ATG2B: variants seen among roughly 807,000 people sequenced by gnomAD.
ATG2B encodes the protein autophagy related 2B.
In ATG2B, 121 loss-of-function variants were observed where a neutral mutation model predicts 241.3. The ratio of observed to expected loss-of-function variants is 0.50; its 90% CI spans 0.43 to 0.58. The LOEUF is 0.58. Ranked by LOEUF, ATG2B falls within the 20% of genes least tolerant of loss-of-function variation. ATG2B has a pLI of 0.00. For missense variants in ATG2B, 2,306 were observed against 2,491.6 expected (o/e 0.93, Z 1.59); for synonymous variants, 858 against 876.6 (o/e 0.98, Z 0.37).
Position 96,332,461 on chromosome 14 carries a change from C to G in ATG2B, c.1362+40G>C, listed in dbSNP as rs757573629. The G allele has an allele frequency of 1.1e-5, 18 of 1,611,664 alleles. No individual in the cohort carries two copies. The Admixed American group carries it at 3.0e-4, about 27-fold the overall frequency. On this transcript the variant is annotated intron_variant, in intron 9 of 41. Coordinates refer to ENST00000359933, the MANE Select transcript of ATG2B (RefSeq NM_018036.7). ...TGAATGAAGTGTAGAATTTTAGAAG[C>G]AACTTTTCAGTCTAGAAGAAAAATT...
chr14:96,353,270 A>G (rs968487011), intron 1 of ATG2B, among the ~76,000 whole-genome samples: 5 of 152,234 alleles, frequency 3.3e-5, no homozygotes, highest in African/African-American at 1.2e-4. Flanking sequence ...TAAGCAACAC[A>G]TGACTGTACT....
intron 28 of ATG2B, among the ~76,000 whole-genome samples, chr14:96,310,440 A>C (rs1887118897): frequency 6.6e-6 from 1 of 152,196 alleles, no homozygotes; most frequent in Admixed American, 6.5e-5. Flanking sequence ...ACAAAGAATA[A>C]CAATGAAAAA....
In ATG2B at chr14:96,285,036, T is replaced by G. The variant is rs900368910; in HGVS notation, c.*719A>C. On this transcript the variant is annotated 3_prime_UTR_variant, in exon 42 of 42. Coordinates refer to ENST00000359933, the MANE Select transcript of ATG2B (RefSeq NM_018036.7). This position sits in a 1 kb window ranked among gnomAD's most constrained non-coding sequence, Gnocchi z 4.2. ...AGCTATTACATTGAAGTTACCTTCC[T>G]TTGCCAAAAACTTTCAGACAAGTTT... 8 of 152,224 alleles carry G rather than the reference T, an allele frequency of 5.3e-5. No homozygotes were observed. Among genetic ancestry groups the G allele is most frequent in the African/African-American group, 1.7e-4 (7 of 41,456 alleles). 9.4% of individuals were successfully genotyped at this position (152,224 alleles called of 1,614,324 possible).
intron 12 of ATG2B, 122 bp from the exon 13 acceptor site, chr14:96,328,888 A>C: frequency 1.6e-6 from 1 of 644,798 alleles, no homozygotes; most frequent in Non-Finnish European, 2.6e-6. Context: ...CATTTTTGTC[A>C]CTTACTAGCA....
At position 96,315,469 on chromosome 14, in the gene ATG2B, G is replaced by C; in HGVS notation, c.3476C>G (p.Ser1159Cys). 1 of 1,614,160 alleles carries C rather than the reference G, an allele frequency of 6.2e-7. No individual in the cohort carries two copies. Among genetic ancestry groups the C allele is most frequent in the Non-Finnish European group, 8.5e-7 (1 of 1,180,012 alleles). The change falls in exon 22 of 42, where the codon TCT becomes TGT. Residue 1159 changes from serine to cysteine, a missense_variant. Ser to Cys is a moderately radical substitution (Grantham distance 112, BLOSUM62 -1). Coordinates refer to ENST00000359933, the MANE Select transcript of ATG2B (RefSeq NM_018036.7). ...SSEEDGLSKT[S>C]SDGVGGDSLN... ...ACTGTCTCCTCCAACTCCATCTGAA[G>C]AAGTTTTACTGAGGCCATCTTCTTC...
chr14:96,361,851 T>C lies in ATG2B; in HGVS notation c.162+964A>G, dbSNP rs568019979. ...ACTGATAAAATTATATACTGATTTATAGTCTCTAGCACAAATTCGCTTAAG... is the reference window on the plus strand; with the variant it reads ...ACTGATAAAATTATATACTGATTTACAGTCTCTAGCACAAATTCGCTTAAG... On this transcript the variant is annotated intron_variant, in intron 1 of 41. Coordinates refer to ENST00000359933, the MANE Select transcript of ATG2B (RefSeq NM_018036.7). 3.3e-5 allele frequency among the ~76,000 whole-genome samples: 5 copies of C among 152,298 alleles called. No homozygotes were observed. The East Asian group carries it at 9.7e-4, about 29-fold the overall frequency.
rs974373068 is a variant in ATG2B, at chr14:96,329,623, G to A, written c.1742C>T (p.Thr581Ile). Residue 581 changes from threonine (T) to isoleucine (I), a missense_variant, in exon 12 of 42, where the codon ACT becomes ATT. Thr to Ile is a moderately conservative substitution (Grantham distance 89). Coordinates refer to ENST00000359933, the MANE Select transcript of ATG2B (RefSeq NM_018036.7). ...TTGTTCATAGGATACTTTAATGCCA[G>A]TACCTATAAATCTATTATAAAAAAT... ...CSHDHLRFIG[T>I]GIKVSYEQRQ... The A allele has an allele frequency of 1.9e-6, 3 of 1,597,052 alleles. No individual in the cohort carries two copies. The highest frequency in any genetic ancestry group is 1.3e-5 in the African/African-American group (1 of 74,388).
intron 1 of ATG2B, among the ~76,000 whole-genome samples, chr14:96,359,049 G>A (rs1001692717): frequency 2.0e-5 from 3 of 152,138 alleles, no homozygotes; most frequent in Non-Finnish European, 4.4e-5. Context: ...AATATAAGCA[G>A]CAATCGAAAC....
rs1428153318 is a variant in ATG2B at position 96,328,677 on chromosome 14, G to A, written c.1971C>T (p.Pro657=). The A allele has an allele frequency of 1.3e-6, 2 of 1,599,470 alleles. No homozygotes were observed. Among genetic ancestry groups the A allele is most frequent in the African/African-American group, 1.3e-5 (1 of 74,106 alleles). Residue 657 remains proline, a synonymous_variant, in exon 13 of 42, where the codon CCC becomes CCT. Coordinates refer to ENST00000359933, the MANE Select transcript of ATG2B (RefSeq NM_018036.7). The part of the protein sequence containing the change: ...LHYKHSENRG[P]QGNQARLSSV... ...ATTATAGAAAAAGATCTCTTACCTG[G>A]GGCCCTCTATTCTCAGAATGCTTAT...
intron 36 of ATG2B, among the ~76,000 whole-genome samples, chr14:96,293,788 A>T (rs1425999859): frequency 6.6e-6 from 1 of 152,184 alleles, no homozygotes; most frequent in East Asian, 1.9e-4. Flanking sequence ...ACATTTACCT[A>T]AGTAAGTATA....
At chr14:96,342,046 A>G (rs1888050275) in intron 5 of ATG2B, among the ~76,000 whole-genome samples, 2 of 152,222 alleles carry the variant, frequency 1.3e-5, no homozygotes, top group Non-Finnish European at 2.9e-5. Context: ...ACTGACTTAT[A>G]AAAGGACTCT....
rs1177115611 is a variant in ATG2B at position 96,279,219 on chromosome 14, T to C, written c.*6536A>G. 2 of 151,760 alleles carry C rather than the reference T, an allele frequency of 1.3e-5. No individual in the cohort carries two copies. Among genetic ancestry groups the C allele is most frequent in the East Asian group, 1.9e-4 (1 of 5,186 alleles). 9.4% of individuals were successfully genotyped at this position (151,760 alleles called of 1,614,324 possible). Reference sequence around the variant, plus strand: ...ATAGTCAATCAATGATGAACTTTTATTTCATATATATTTATATTTTAAAAA... The same window carrying C: ...ATAGTCAATCAATGATGAACTTTTACTTCATATATATTTATATTTTAAAAA... On this transcript the variant is annotated 3_prime_UTR_variant, in exon 42 of 42. Coordinates refer to ENST00000359933, the MANE Select transcript of ATG2B (RefSeq NM_018036.7).
Position 96,290,660 on chromosome 14 carries a change from T to C in ATG2B, c.5702-70A>G. 1.3e-6 allele frequency: 2 copies of C among 1,584,752 alleles called. No individual in the cohort carries two copies. Among genetic ancestry groups the C allele is most frequent in the Non-Finnish European group, 1.7e-6 (2 of 1,163,832 alleles). On this transcript the variant is annotated intron_variant, in intron 39 of 41. Transcript: ENST00000359933. This position sits in a 1 kb window ranked among gnomAD's most constrained non-coding sequence, Gnocchi z 4.4. Reference sequence around the variant, plus strand: ...CTTTTCTATCATTCTAACCCTGGGGTTTTTAACTCCTAAAACTGGAGGCAA... The same window carrying C: ...CTTTTCTATCATTCTAACCCTGGGGCTTTTAACTCCTAAAACTGGAGGCAA...
chr14:96,342,110 T>C (rs1359898914), intron 5 of ATG2B, among the ~76,000 whole-genome samples: 1 of 152,098 alleles, frequency 6.6e-6, no homozygotes, highest in East Asian at 1.9e-4. Flanking sequence ...TTTAAAGAGA[T>C]GATTTGTAGA....
At chr14:96,306,004 C>G (rs1886936399) in intron 30 of ATG2B, among the ~76,000 whole-genome samples, 189 bp from the exon 31 acceptor site, 1 of 152,194 alleles carries the variant, frequency 6.6e-6, no homozygotes, top group African/African-American at 2.4e-5. Flanking sequence ...AATAAACTCT[C>G]TTTGTTCTAC....
At chr14:96,325,569 A>T in intron 15 of ATG2B, 80 bp downstream of exon 15, 1 of 1,309,526 alleles carries the variant, frequency 7.6e-7, no homozygotes, top group Non-Finnish European at 1.1e-6. Context: ...CAGGGCTGTC[A>T]GATACTTTTG....
At chr14:96,332,779 AT>A (rs1887775937) in intron 8 of ATG2B, 124 bp from the exon 9 acceptor site, 1 of 631,122 alleles carries the variant, frequency 1.6e-6, no homozygotes, top group African/African-American at 1.9e-5. Context: ...GATGCCCCAA[AT>A]TTTATGTTAC....
In ATG2B at chr14:96,308,259, TATATATATATATATATA is replaced by T. The variant is rs1887036584; in HGVS notation, c.4303+1177_4303+1193del. ...ATATATATATATATATATACACACA[TATATATATATATATATA>T]TATATATTTTTTTTTTTTTTTTTTT... On this transcript the variant is annotated intron_variant, in intron 29 of 41. Coordinates refer to ENST00000359933, the MANE Select transcript of ATG2B (RefSeq NM_018036.7). Among the ~76,000 whole-genome samples the T allele has an allele frequency of 2.1e-4, 5 of 23,632 alleles. No individual in the cohort carries two copies. The South Asian group carries it at 3.4e-3, about 16-fold the overall frequency. 15.5% of individuals were successfully genotyped at this position (23,632 alleles called of 152,430 possible).
chr14:96,304,352 G>T, intron 32 of ATG2B, 143 bp downstream of exon 32: 2 of 533,514 alleles, frequency 3.7e-6, no homozygotes, highest in Non-Finnish European at 6.8e-6. Flanking sequence ...TGAAAAAGAG[G>T]TAAGAGTTTT....
Sources: allele counts gnomAD v4.1 joint callset (sites outside exome capture counted in the v4.1 genomes callset), GRCh38; gene constraint gnomAD v4.1.1; non-coding constraint Gnocchi (gnomAD v3.1); transcripts MANE v1.5; gene names NCBI Gene and HGNC (gene_info 2026-07-23, HGNC 2026-07-21).